Variants in SYTL2 observed in about 807,000 individuals in gnomAD.
The protein encoded by SYTL2 is synaptotagmin like 2.
In SYTL2, 165 loss-of-function variants were observed where a neutral mutation model predicts 198.7. That is an observed-to-expected ratio of 0.83 (90% CI 0.73 to 0.94). SYTL2 has a LOEUF of 0.94. SYTL2 is among the 40% of genes least tolerant of loss of function. SYTL2 has a pLI of 0.00. For missense variants in SYTL2, 2,835 were observed against 2,582.8 expected (o/e 1.10, Z -2.12); for synonymous variants, 966 against 917.7 (o/e 1.05, Z -0.95).
chr11:85,724,627 T>C lies in SYTL2; in HGVS notation c.4731A>G (p.Glu1577=). The change falls in exon 8 of 20, where the codon GAA becomes GAG. Residue 1577 remains glutamate (E), a synonymous_variant. Transcript: ENST00000359152. ...GFEKLLKEIT[E]APPYQPQVSV... The stretch of plus-strand genomic sequence containing the variant: ...ACACCTGGGGCTGATAAGGAGGAGC[T>C]TCAGTTATTTCTTTAAGAAGTTTCT... The C allele has an allele frequency of 1.2e-6, 2 of 1,613,226 alleles. No individual in the cohort carries two copies. Among genetic ancestry groups the C allele is most frequent in the Non-Finnish European group, 1.7e-6 (2 of 1,179,788 alleles).
intron 4 of SYTL2, 135 bp downstream of exon 4, chr11:85,745,502 C>A (rs935266669): frequency 1.1e-6 from 1 of 883,522 alleles, no homozygotes; most frequent in Non-Finnish European, 1.6e-6. Context: ...GCCCAGAATT[C>A]TCTCATACAC....
In SYTL2 at chr11:85,799,571, A is replaced by G. The variant is rs377753974; in HGVS notation, c.-390+11383T>C. 8.5e-4 allele frequency among the ~76,000 whole-genome samples: 130 copies of G among 152,334 alleles called. 1 individual carries two copies. The South Asian group carries it at 0.011, about 12-fold the overall frequency. On this transcript the variant is annotated intron_variant, in intron 1 of 19. Transcript: ENST00000359152. ...GTACTACACTCTTCATGATCAGCCC[A>G]CTACCTACTTCACTGGCCTCAGCTC... is the stretch of plus-strand genomic sequence containing the variant.
At chr11:85,739,614 G>A (rs1031954457) in intron 4 of SYTL2, among the ~76,000 whole-genome samples, 3 of 152,150 alleles carry the variant, frequency 2.0e-5, no homozygotes, top group Non-Finnish European at 4.4e-5. Context: ...TTGCTTGTCT[G>A]TCTTTTATTG....
chr11:85,753,675 G>A (rs889056210), intron 2 of SYTL2, among the ~76,000 whole-genome samples: 8 of 151,176 alleles, frequency 5.3e-5, no homozygotes, highest in Admixed American at 5.3e-4. Flanking sequence ...GGAGACAGGA[G>A]GATCACTTGA....
intron 1 of SYTL2, among the ~76,000 whole-genome samples, chr11:85,764,384 T>C (rs889664101): frequency 1.8e-4 from 27 of 152,168 alleles, no homozygotes; most frequent in Admixed American, 7.2e-4. Flanking sequence ...ATTCTCCACA[T>C]CCCATGGAAG....
chr11:85,808,539 C>A (rs56386215), intron 1 of SYTL2, among the ~76,000 whole-genome samples: 9,522 of 152,052 alleles, frequency 0.063, 949 homozygotes, highest in African/African-American at 0.21. Flanking sequence ...TACTGTGAAC[C>A]AGAGAGTGGA....
intron 1 of SYTL2, among the ~76,000 whole-genome samples, chr11:85,770,532 G>A (rs1411842728): frequency 6.6e-6 from 1 of 151,950 alleles, no homozygotes; most frequent in African/African-American, 2.4e-5. Context: ...CTCCAGTATT[G>A]GCATCCTTCT....
In SYTL2 at chr11:85,726,514, GTC is replaced by G. The variant is rs1465899585; in HGVS notation, c.2842_2843del (p.Asp948GlnfsTer6). On this transcript the variant is annotated frameshift_variant, in exon 8 of 20. Transcript: ENST00000359152. LOFTEE classifies it high-confidence loss of function. ...CATTTGATTCACGAACTAGAGGTCT[GTC>G]TTTCTCCAATGGAGCATGTCGTTCA... ...GSERHAPLEK[D>X]RPLVRESNAN... is the part of the protein sequence containing the mutation. 1 of 1,605,094 alleles carries G rather than the reference GTC, an allele frequency of 6.2e-7. No homozygotes were observed. Among genetic ancestry groups the G allele is most frequent in the Admixed American group, 1.7e-5 (1 of 59,994 alleles).
intron 1 of SYTL2, among the ~76,000 whole-genome samples, chr11:85,796,253 A>G (rs2092802600): frequency 1.3e-5 from 2 of 152,148 alleles, no homozygotes; most frequent in South Asian, 2.1e-4. Context: ...TATGGCATCA[A>G]ATTTCTACCT....
In SYTL2 at chr11:85,714,550, T is replaced by C. The variant is rs762672228; in HGVS notation, c.5531-43A>G. 8 of 1,589,354 alleles carry C rather than the reference T, an allele frequency of 5.0e-6. No individual in the cohort carries two copies. The South Asian group carries it at 8.9e-5, about 18-fold the overall frequency. On this transcript the variant is annotated intron_variant, in intron 11 of 19. Coordinates refer to ENST00000359152, the MANE Select transcript of SYTL2 (RefSeq NM_206927.4). ...CATTTCAAAATTATTCTTACAATTG[T>C]CAGAAAACATTAGACATTAAGTTGA...
At chr11:85,849,474 G>A in the SYTL2 span, among the ~76,000 whole-genome samples, 2 of 152,224 alleles carry the variant, frequency 1.3e-5, no homozygotes, top group African/African-American at 4.8e-5. Flanking sequence ...TGTATAAGGT[G>A]TAAGGAAGGG....
chr11:85,853,727 C>T, the SYTL2 span: 1 of 151,682 alleles, frequency 6.6e-6, no homozygotes, highest in Non-Finnish European at 1.5e-5. Context: ...CAAATTCAAA[C>T]CCCATAGTAA....
chr11:85,769,683 C>T (rs1368916915), intron 1 of SYTL2, among the ~76,000 whole-genome samples: 1 of 152,178 alleles, frequency 6.6e-6, no homozygotes, highest in African/African-American at 2.4e-5. Context: ...TTGACTCCAA[C>T]AGGGATGGCA....
Position 85,727,174 on chromosome 11 carries a change from G to A in SYTL2, c.2184C>T (p.Asn728=). 1 of 1,536,538 alleles carries A rather than the reference G, an allele frequency of 6.5e-7. No individual in the cohort carries two copies. Among genetic ancestry groups the A allele is most frequent in the Non-Finnish European group, 8.7e-7 (1 of 1,146,990 alleles). ...TVVKEPGLKD[N]MNAERKSKVG... ...CTTTGCTCTTTCTCTCTGCATTCAT[G>A]TTATCTTTCAAACCTGGTTCTTTGA... The change falls in exon 8 of 20, where the codon AAC becomes AAT. Residue 728 remains asparagine (N), a synonymous_variant. Transcript: ENST00000359152.
At chr11:85,708,571 TTCTC>T (rs1290074672) in intron 14 of SYTL2, among the ~76,000 whole-genome samples, 19 of 152,194 alleles carry the variant, frequency 1.2e-4, no homozygotes, top group Admixed American at 8.5e-4. Context: ...AATATGAAAA[TTCTC>T]TCATTCTAGA....
Position 85,727,114 on chromosome 11 carries a change from C to T in SYTL2, c.2244G>A (p.Glu748=), listed in dbSNP as rs1306743142. The T allele has an allele frequency of 1.3e-6, 2 of 1,535,786 alleles. No homozygotes were observed. The highest frequency in any genetic ancestry group is 2.4e-5 in the East Asian group (1 of 40,924). Residue 748 remains glutamate (E), a synonymous_variant, in exon 8 of 20, where the codon GAG becomes GAA. Transcript: ENST00000359152. The part of the protein sequence containing the change: ...GNTYILKASL[E]PENIKSTPGV... ...CAGGTGTTGACTTAATATTCTCTGG[C>T]TCTAAGGAGGCTTTCAGGATATAGG...
chr11:85,829,142 A>G, the SYTL2 span, among the ~76,000 whole-genome samples: 1 of 151,848 alleles, frequency 6.6e-6, no homozygotes, highest in Non-Finnish European at 1.5e-5. Context: ...GGGGTATATT[A>G]TGTGATGCTG....
At chr11:85,845,456 C>G in the SYTL2 span, among the ~76,000 whole-genome samples, 1 of 152,144 alleles carries the variant, frequency 6.6e-6, no homozygotes, top group Non-Finnish European at 1.5e-5. Context: ...ACTAACAAAA[C>G]TAATTAGTTT....
At chr11:85,797,838 TTTG>T (rs532015361) in intron 1 of SYTL2, among the ~76,000 whole-genome samples, 6 of 151,134 alleles carry the variant, frequency 4.0e-5, no homozygotes, top group Admixed American at 6.6e-5. Flanking sequence ...CCACAAAGTT[TTTG>T]TTGTTGTTGT....
Sources: allele counts gnomAD v4.1 joint callset (sites outside exome capture counted in the v4.1 genomes callset), GRCh38; gene constraint gnomAD v4.1.1; transcripts MANE v1.5; gene names NCBI Gene and HGNC (gene_info 2026-07-23, HGNC 2026-07-21).